The following DNAJC21 variants were observed in gnomAD, a reference collection of about 807,000 sequenced individuals.
DNAJC21 encodes the protein DnaJ heat shock protein family (Hsp40) member C21.
DNAJC21 carries 63 observed loss-of-function variants against 72.4 expected under a neutral mutation model. The observed-to-expected ratio is 0.87, with a 90% confidence interval of 0.71 to 1.07. The LOEUF is 1.07. Ranked by LOEUF, DNAJC21 falls within the 50% of genes least tolerant of loss-of-function variation. DNAJC21 has a pLI of 0.00. For synonymous variants in DNAJC21, 203 were observed against 216.7 expected (o/e 0.94, Z 0.56); for missense variants, 634 against 644.8 (o/e 0.98, Z 0.18).
chr5:34,951,976 A>G (rs37438), intron 10 of DNAJC21: 952,801 of 985,370 alleles, frequency 0.97, 461,999 homozygotes, highest in Non-Finnish European at 0.98. Flanking sequence ...AGAATGGCAG[A>G]GCTAAGATAG....
At chr5:34,944,838 C>G (rs757432038) in intron 7 of DNAJC21, 29 bp from the exon 8 acceptor site, 70 of 1,612,040 alleles carry the variant, frequency 4.3e-5, no homozygotes, top group Non-Finnish European at 5.3e-5. Flanking sequence ...AATTTTAGCG[C>G]AGCTGCTCAC....
chr5:34,929,900 C>T lies in DNAJC21; in HGVS notation c.81C>T (p.Ala27=). 6.3e-7 allele frequency: 1 copy of T among 1,583,028 alleles called. No individual in the cohort carries two copies. Among genetic ancestry groups the T allele is most frequent in the Non-Finnish European group, 8.6e-7 (1 of 1,165,430 alleles). ...TCAAGAAGGCCTATCGGAAGCTGGC[C>T]CTGAAATGGCACCCGGGTAAGTACC... ...EELKKAYRKL[A]LKWHPDKNLD... Residue 27 remains alanine (A), a synonymous_variant, in exon 1 of 12, where the codon GCC becomes GCT. Coordinates refer to ENST00000648817, the MANE Select transcript of DNAJC21 (RefSeq NM_001012339.3).
chr5:34,951,577 G>A (rs1006544117), intron 10 of DNAJC21: 1 of 983,528 alleles, frequency 1.0e-6, no homozygotes, highest in African/African-American at 1.8e-5. Context: ...GCCCAGGCTG[G>A]AGTACAGTGG....
At position 34,932,901 on chromosome 5, in the gene DNAJC21, C is replaced by T. The variant is rs576336780; in HGVS notation, c.98-914C>T. On this transcript the variant is annotated intron_variant, in intron 1 of 11. Transcript: ENST00000648817. ...TCATCTCGGAAGTGAGGTACCATTA[C>T]TTCTGCCATCTCCTGTTGGTCACAC... is the stretch of plus-strand genomic sequence containing the variant. 3.3e-5 allele frequency among the ~76,000 whole-genome samples: 5 copies of T among 152,246 alleles called. No individual in the cohort carries two copies. The East Asian group carries it at 7.7e-4, about 23-fold the overall frequency.
chr5:34,937,668 T>C, intron 5 of DNAJC21, 38 bp downstream of exon 5: 1 of 1,577,600 alleles, frequency 6.3e-7, no homozygotes, highest in East Asian at 2.2e-5. Flanking sequence ...TCAGTATCGG[T>C]GGGGGTCAGA....
At chr5:34,940,387 T>C (rs886738569) in intron 6 of DNAJC21, among the ~76,000 whole-genome samples, 1 of 152,226 alleles carries the variant, frequency 6.6e-6, no homozygotes, top group African/African-American at 2.4e-5. Context: ...AAAATCATAC[T>C]GACATCACTT....
chr5:34,953,314 T>C (rs1022241762), intron 10 of DNAJC21, among the ~76,000 whole-genome samples: 1 of 151,974 alleles, frequency 6.6e-6, no homozygotes, highest in Non-Finnish European at 1.5e-5. Flanking sequence ...CCAGCTAGAA[T>C]GCAGTGGTGC....
intron 9 of DNAJC21, among the ~76,000 whole-genome samples, chr5:34,946,717 T>C (rs778735945): frequency 5.9e-5 from 9 of 152,198 alleles, no homozygotes; most frequent in Non-Finnish European, 1.3e-4. Context: ...CACCTTATAA[T>C]TATTAGTTTG....
chr5:34,952,024 T>C (rs1300563100), intron 10 of DNAJC21: 2 of 985,314 alleles, frequency 2.0e-6, no homozygotes, highest in African/African-American at 1.7e-5. Context: ...ACCACTCTGC[T>C]GTCCCCTGGA....
chr5:34,950,830 G>A, intron 10 of DNAJC21: 1 of 985,724 alleles, frequency 1.0e-6, no homozygotes, highest in Non-Finnish European at 1.2e-6. Context: ...GCCATGGTGT[G>A]GACTAGGAGG....
chr5:34,945,637 T>G, intron 8 of DNAJC21, 124 bp from the exon 9 acceptor site: 1 of 762,038 alleles, frequency 1.3e-6, no homozygotes, highest in Non-Finnish European at 2.0e-6. Context: ...CTTTAAGATA[T>G]TAAATATTTT....
Position 34,933,840 on chromosome 5 carries a change from A to C in DNAJC21, c.123A>C (p.Glu41Asp). 2 of 1,613,976 alleles carry C rather than the reference A, an allele frequency of 1.2e-6. No individual in the cohort carries two copies. Among genetic ancestry groups the C allele is most frequent in the Non-Finnish European group, 1.7e-6 (2 of 1,179,944 alleles). The change falls in exon 2 of 12, where the codon GAA becomes GAC. Residue 41 changes from glutamate to aspartate, a missense_variant. Transcript: ENST00000648817. ...HPDKNLDNAA[E>D]AAEQFKLIQA... ...ATAAAAATCTGGATAATGCCGCAGA[A>C]GCAGCTGAACAATTTAAATTAATCC... is the stretch of plus-strand genomic sequence containing the variant.
At chr5:34,935,669 C>A (rs1764743903) in intron 2 of DNAJC21, 41 bp from the exon 3 acceptor site, 6 of 1,609,528 alleles carry the variant, frequency 3.7e-6, no homozygotes, top group Non-Finnish European at 5.1e-6. Flanking sequence ...TGAATTCTTA[C>A]TTATTCAGCC....
chr5:34,935,787 G>A lies in DNAJC21; in HGVS notation c.269G>A (p.Arg90His), dbSNP rs757180547. ...EYQDDSLDLL[R>H]YFTVTCYSGY... ...CAAGATGACAGCTTAGATTTGCTAC[G>A]CTATTTCACCGTTACCTGTTATTCT... The change falls in exon 3 of 12, where the codon CGC (arginine) becomes CAC (histidine). Residue 90 changes from arginine (R) to histidine (H), a missense_variant. Arg to His is a conservative substitution (Grantham distance 29). Transcript: ENST00000648817. The A allele has an allele frequency of 3.1e-6, 5 of 1,613,992 alleles. No individual in the cohort carries two copies. Among genetic ancestry groups the A allele is most frequent in the African/African-American group, 1.3e-5 (1 of 75,020 alleles).
chr5:34,943,485 A>G (rs1267667178), intron 7 of DNAJC21, among the ~76,000 whole-genome samples: 1 of 152,194 alleles, frequency 6.6e-6, no homozygotes, highest in East Asian at 1.9e-4. Flanking sequence ...TCATCACCCA[A>G]TCAAGGTGTC....
intron 1 of DNAJC21, among the ~76,000 whole-genome samples, chr5:34,932,375 C>T (rs1295043984): frequency 6.7e-6 from 1 of 149,554 alleles, no homozygotes; most frequent in Non-Finnish European, 1.5e-5. Flanking sequence ...GAGCCAAGAT[C>T]GCGCCACTGC....
At chr5:34,939,847 C>A (rs1338115129) in intron 6 of DNAJC21, among the ~76,000 whole-genome samples, 1 of 152,080 alleles carries the variant, frequency 6.6e-6, no homozygotes, top group Non-Finnish European at 1.5e-5. Flanking sequence ...AAAATTGACC[C>A]AGTTTTACCT....
chr5:34,950,936 G>T, intron 10 of DNAJC21: 2 of 985,146 alleles, frequency 2.0e-6, no homozygotes, highest in Middle Eastern at 5.2e-4. Context: ...CTAGAACAGA[G>T]AATCATTTCT....
At chr5:34,945,187 C>A (rs1368379426) in intron 8 of DNAJC21, among the ~76,000 whole-genome samples, 162 bp downstream of exon 8, 1 of 152,126 alleles carries the variant, frequency 6.6e-6, no homozygotes, top group Non-Finnish European at 1.5e-5. Flanking sequence ...AAGTGATTCT[C>A]CTCCCTCAGC....
Sources: gnomAD v4.1 joint callset for allele counts (sites outside exome capture counted in the v4.1 genomes callset) on GRCh38, gnomAD v4.1.1 for gene constraint, MANE v1.5 for transcripts, NCBI Gene and HGNC (gene_info 2026-07-23, HGNC 2026-07-21) for gene names.